The following LACRT variants were observed in gnomAD, a reference collection of about 807,000 sequenced individuals.
The protein encoded by LACRT is extracellular glycoprotein lacritin.
LACRT carries 14 observed loss-of-function variants against 14.5 expected under a neutral mutation model. That is an observed-to-expected ratio of 0.96 (90% confidence interval 0.64 to 1.51). The LOEUF is 1.51. Ranked by LOEUF, LACRT falls within the 40% of genes most tolerant of loss-of-function variation. The pLI, the probability that LACRT is intolerant of heterozygous loss-of-function variation, is 0.00. For missense variants in LACRT, 156 were observed against 161.8 expected, an observed-to-expected ratio of 0.96 and a Z score of 0.19; for synonymous variants, 70 against 63.5, an observed-to-expected ratio of 1.10 and a Z score of -0.48.
At chr12:54,634,101 C>A (rs1480874225) in intron 1 of LACRT, among the ~76,000 whole-genome samples, 1 of 152,028 alleles carries the variant, frequency 6.6e-6, no homozygotes, top group Non-Finnish European at 1.5e-5. Context: ...GCCTGTAATT[C>A]CAACACTTTG....
At chr12:54,633,006 T>G (rs1592196652) in intron 2 of LACRT, among the ~76,000 whole-genome samples, 174 bp downstream of exon 2, 1 of 152,132 alleles carries the variant, frequency 6.6e-6, no homozygotes, top group Non-Finnish European at 1.5e-5. Context: ...TCCTTAGCCT[T>G]GTACCATTTC....
rs199754624 is a variant in LACRT at position 54,631,703 on chromosome 12, C to T, written c.355+35G>A. On this transcript the variant is annotated intron_variant, in intron 4 of 4. Transcript: ENST00000257867. ...CCGGATGGTGGGTGGTGAGTATTCT[C>T]ATTCCCACAAAGCCTTGCCTTGGGA... 50 of 1,489,088 alleles carry T rather than the reference C, an allele frequency of 3.4e-5. No homozygotes were observed. In the East Asian group the frequency reaches 6.5e-4, roughly 20 times the overall value. The allele number at this position is 1,489,088 out of a possible 1,614,324, so 92.2% of individuals were successfully genotyped here.
chr12:54,632,403 G>C (rs1405050586), intron 2 of LACRT, 22 bp from the exon 3 acceptor site: 10 of 1,611,752 alleles, frequency 6.2e-6, no homozygotes, highest in Non-Finnish European at 8.5e-6. Context: ...CAAATTGATG[G>C]ATTTTAGCAA....
At chr12:54,632,508 C>T (rs1240233132) in intron 2 of LACRT, 127 bp from the exon 3 acceptor site, 25 of 1,087,002 alleles carry the variant, frequency 2.3e-5, no homozygotes, top group Non-Finnish European at 3.2e-5. Flanking sequence ...ATGGCTTAAA[C>T]GCTGCCCCCT....
In LACRT at chr12:54,631,584, C is replaced by A; in HGVS notation, c.355+154G>T. 5 of 643,952 alleles carry A rather than the reference C, an allele frequency of 7.8e-6. No homozygotes were observed. In the South Asian group the frequency reaches 9.2e-5, roughly 12 times the overall value. 39.9% of individuals were successfully genotyped at this position (643,952 alleles called of 1,614,324 possible). A position where few individuals can be genotyped will look rare whatever the true frequency, so the allele number is the denominator to read the frequency against. ...GAGAAATTGGAAACATATGAAAGCA[C>A]AAAGTGAGGGGTCTTCAACAGCAGG... On this transcript the variant is annotated intron_variant, in intron 4 of 4. Transcript: ENST00000257867.
At chr12:54,631,974 CAGA>C in intron 3 of LACRT, 135 bp from the exon 4 acceptor site, 1 of 546,216 alleles carries the variant, frequency 1.8e-6, no homozygotes, top group Non-Finnish European at 3.1e-6. Flanking sequence ...TCCTAAAGTG[CAGA>C]AGTTTTGCTG....
chr12:54,632,227 A>T lies in LACRT; in HGVS notation c.253+14T>A. 6.2e-7 allele frequency: 1 copy of T among 1,613,816 alleles called. No individual in the cohort carries two copies. Among genetic ancestry groups the T allele is most frequent in the Non-Finnish European group, 8.5e-7 (1 of 1,179,842 alleles). On this transcript the variant is annotated intron_variant, in intron 3 of 4. Transcript: ENST00000257867. ...TTTCTAGGTTGTTGATCTGGCATAG[A>T]GACAGAGACTTACTCAGGGGGTTTA...
intron 4 of LACRT, among the ~76,000 whole-genome samples, chr12:54,631,393 C>T (rs188851500): frequency 5.3e-4 from 80 of 152,320 alleles, no homozygotes; most frequent in African/African-American, 1.8e-3. Context: ...GCATGTGCCA[C>T]CACGCCTGGC....
At chr12:54,632,099 C>G (rs965420599) in intron 3 of LACRT, 142 bp downstream of exon 3, 1 of 935,282 alleles carries the variant, frequency 1.1e-6, no homozygotes, top group African/African-American at 1.6e-5. Context: ...GTGCAATGCA[C>G]AATCCCATTT....
intron 1 of LACRT, among the ~76,000 whole-genome samples, chr12:54,633,675 A>T (rs528724285): frequency 2.0e-5 from 3 of 152,116 alleles, no homozygotes; most frequent in Non-Finnish European, 4.4e-5. Context: ...CACAACATTT[A>T]TGCAAAGCTC....
chr12:54,633,103 C>T, intron 2 of LACRT, 77 bp downstream of exon 2: 1 of 1,406,618 alleles, frequency 7.1e-7, no homozygotes, highest in Non-Finnish European at 1.0e-6. Context: ...CTGGCTTCTT[C>T]TCCCAGCCAC....
chr12:54,632,592 T>C (rs1958160280), intron 2 of LACRT, among the ~76,000 whole-genome samples: 1 of 152,040 alleles, frequency 6.6e-6, no homozygotes, highest in African/African-American at 2.4e-5. Flanking sequence ...GGATTTGGAC[T>C]AGGGGATGGT....
chr12:54,631,479 G>T (rs11833784), intron 4 of LACRT, among the ~76,000 whole-genome samples: 1,631 of 152,304 alleles, frequency 0.011, 46 homozygotes, highest in African/African-American at 0.037. Flanking sequence ...GGGCTCAAGC[G>T]ATCCACCTGC....
In LACRT at chr12:54,634,894, A is replaced by C. The variant is rs2121273931; in HGVS notation, c.-53T>G. On this transcript the variant is annotated 5_prime_UTR_variant, in exon 1 of 5. Transcript: ENST00000257867. Reference sequence around the variant, plus strand: ...ACAGAATCTGCAGAAGGTCTGGGGAATAAGGATGCTGAAATTGCTGGGCCC... The same window carrying C: ...ACAGAATCTGCAGAAGGTCTGGGGACTAAGGATGCTGAAATTGCTGGGCCC... 1.4e-6 allele frequency: 2 copies of C among 1,473,192 alleles called. No individual in the cohort carries two copies. The highest frequency in any genetic ancestry group is 4.5e-5 in the East Asian group (2 of 44,164). The allele number at this position is 1,473,192 out of a possible 1,614,324, so 91.3% of individuals were successfully genotyped here. A position where few individuals can be genotyped will look rare whatever the true frequency, so the allele number is the denominator to read the frequency against.
Position 54,631,828 on chromosome 12 carries a change from C to T in LACRT, c.265G>A (p.Glu89Lys), listed in dbSNP as rs562627949. The change falls in exon 4 of 5, where the codon GAG becomes AAG. Residue 89 changes from glutamate to lysine, a missense_variant. Glu to Lys is a moderately conservative substitution (Grantham distance 56). Transcript: ENST00000257867. Reference sequence around the variant, plus strand: ...TGTTCTGTTAGTAAGATACTTTTCTCCACTATGGATTCTAATTTTGGAGCA... The same window carrying T: ...TGTTCTGTTAGTAAGATACTTTTCTTCACTATGGATTCTAATTTTGGAGCA... ...QELNPLKSIV[E>K]KSILLTEQAL... 35 of 1,612,124 alleles carry T rather than the reference C, an allele frequency of 2.2e-5. No individual in the cohort carries two copies. The East Asian group carries it at 7.8e-4, about 36-fold the overall frequency.
At position 54,632,282 on chromosome 12, in the gene LACRT, G is replaced by A; in HGVS notation, c.212C>T (p.Thr71Ile). 6.2e-7 allele frequency: 1 copy of A among 1,614,154 alleles called. No homozygotes were observed. The highest frequency in any genetic ancestry group is 8.5e-7 in the Non-Finnish European group (1 of 1,180,022). The change falls in exon 3 of 5, where the codon ACA becomes ATA. Residue 71 changes from threonine to isoleucine, a missense_variant. Transcript: ENST00000257867. ...QETSAAAVQG[T>I]AKVTSSRQEL... ...CTGCCTGCTTGAGGTGACCTTGGCT[G>A]TCCCCTGAACTGCTGCCGCCGAAGT... is the stretch of plus-strand genomic sequence containing the variant.
rs760460031 is a variant in LACRT, at chr12:54,631,719, T to G, written c.355+19A>C. On this transcript the variant is annotated intron_variant, in intron 4 of 4. Coordinates refer to ENST00000257867, the MANE Select transcript of LACRT (RefSeq NM_033277.2). ...GAGTATTCTCATTCCCACAAAGCCT[T>G]GCCTTGGGATGCACTCACTTTCGAT... 1.9e-6 allele frequency: 3 copies of G among 1,576,650 alleles called. No homozygotes were observed. In the African/African-American group the frequency reaches 4.0e-5, roughly 21 times the overall value.
chr12:54,631,905 GCCCCACCTGCACCCGCC>G, intron 3 of LACRT, 66 bp from the exon 4 acceptor site: 1 of 1,090,830 alleles, frequency 9.2e-7, no homozygotes, highest in Non-Finnish European at 1.4e-6. Context: ...ACTCTGCATT[GCCCCACCTGCACCCGCC>G]CCCCACCCCC....
intron 2 of LACRT, 139 bp from the exon 3 acceptor site, chr12:54,632,520 A>G: frequency 1.0e-6 from 1 of 983,746 alleles, no homozygotes; most frequent in Middle Eastern, 2.7e-4. Flanking sequence ...CTGCCCCCTT[A>G]AGGGAGATAG....
Sources: allele counts gnomAD v4.1 joint callset (sites outside exome capture counted in the v4.1 genomes callset), GRCh38; gene constraint gnomAD v4.1.1; transcripts MANE v1.5; gene names NCBI Gene and HGNC (gene_info 2026-07-23, HGNC 2026-07-21).